Variants in VWC2L observed in about 807,000 individuals in gnomAD.
VWC2L encodes the protein von Willebrand factor C domain-containing protein 2-like.
A neutral mutation model predicts 21.6 loss-of-function variants in VWC2L; 10 were observed. That is an observed-to-expected ratio of 0.46 (90% CI 0.29 to 0.78). VWC2L has a LOEUF of 0.78. VWC2L is among the 30% of genes least tolerant of loss of function. The pLI is 0.10. For missense variants in VWC2L, 209 were observed against 277.1 expected, an observed-to-expected ratio of 0.75 and a Z score of 1.74; for synonymous variants, 96 against 94.3, an observed-to-expected ratio of 1.02 and a Z score of -0.10.
chr2:214,522,201 C>A (rs1689251924), intron 3 of VWC2L, among the ~76,000 whole-genome samples: 1 of 151,936 alleles, frequency 6.6e-6, no homozygotes, highest in Admixed American at 6.6e-5. Flanking sequence ...CGGTGAAACC[C>A]CGTCTCTACT....
chr2:214,483,291 G>A lies in VWC2L; in HGVS notation c.520+46533G>A, dbSNP rs77230275. On this transcript the variant is annotated intron_variant, in intron 3 of 3. Coordinates refer to ENST00000312504, the MANE Select transcript of VWC2L (RefSeq NM_001080500.4). ...CATGATGGCAAATAGATGGAGAGCA[G>A]GCAAATAGACTCTGATAAGCCATAA... 8.7e-3 allele frequency among the ~76,000 whole-genome samples: 1,318 copies of A among 152,148 alleles called. 14 individuals carry two copies. Among genetic ancestry groups the A allele is most frequent in the African/African-American group, 0.03 (1,258 of 41,506 alleles).
intron 3 of VWC2L, among the ~76,000 whole-genome samples, chr2:214,497,440 G>T (rs535008790): frequency 1.3e-5 from 2 of 152,160 alleles, no homozygotes; most frequent in African/African-American, 4.8e-5. Context: ...CCCAATTTTC[G>T]CAACCTCATC....
intron 3 of VWC2L, among the ~76,000 whole-genome samples, chr2:214,483,330 GT>G (rs768774535): frequency 6.6e-6 from 1 of 151,648 alleles, no homozygotes; most frequent in Non-Finnish European, 1.5e-5. Context: ...AATAATCTGA[GT>G]TAATGGCTTA....
intron 3 of VWC2L, among the ~76,000 whole-genome samples, chr2:214,563,462 G>A (rs1467863623): frequency 6.8e-6 from 1 of 148,002 alleles, no homozygotes; most frequent in African/African-American, 2.5e-5. Flanking sequence ...CAGGAGAATG[G>A]CATGAACCCA....
Position 214,522,401 on chromosome 2 carries a change from AT to A in VWC2L, c.521-53264del, listed in dbSNP as rs375174263. ...AAAAAAAAAAAAAAAAAAAAATTGC[AT>A]TTTTTTCCTCTTTGCTGATTCCTCC... On this transcript the variant is annotated intron_variant, in intron 3 of 3. Coordinates refer to ENST00000312504, the MANE Select transcript of VWC2L (RefSeq NM_001080500.4). 2.1e-3 allele frequency among the ~76,000 whole-genome samples: 299 copies of A among 139,674 alleles called. 1 individual carries two copies. The highest frequency in any genetic ancestry group is 7.4e-3 in the African/African-American group (282 of 38,110). 91.6% of individuals were successfully genotyped at this position (139,674 alleles called of 152,430 possible).
intron 3 of VWC2L, among the ~76,000 whole-genome samples, chr2:214,561,528 C>A (rs558612767): frequency 6.6e-6 from 1 of 152,054 alleles, no homozygotes; most frequent in African/African-American, 2.4e-5. Context: ...ATAATTTCAG[C>A]ACTTTGGGAA....
intron 3 of VWC2L, among the ~76,000 whole-genome samples, chr2:214,531,627 G>C (rs1250341543): frequency 6.6e-6 from 1 of 152,112 alleles, no homozygotes; most frequent in Non-Finnish European, 1.5e-5. Context: ...CTTTGCAGAA[G>C]TGGTTTCCTT....
intron 3 of VWC2L, among the ~76,000 whole-genome samples, chr2:214,518,121 A>G (rs10048772): frequency 0.75 from 114,013 of 151,864 alleles, 43,050 homozygotes; most frequent in Non-Finnish European, 0.77. Context: ...AGCCAAGATC[A>G]TGCCACTGCA....
At chr2:214,422,286 TA>T (rs1422682999) in intron 2 of VWC2L, among the ~76,000 whole-genome samples, 1 of 139,912 alleles carries the variant, frequency 7.1e-6, no homozygotes, top group Non-Finnish European at 1.6e-5. Flanking sequence ...AATTGCTCCA[TA>T]CATGCATTAA....
chr2:214,567,671 T>C (rs924326477), intron 3 of VWC2L, among the ~76,000 whole-genome samples: 1 of 152,014 alleles, frequency 6.6e-6, no homozygotes, highest in Non-Finnish European at 1.5e-5. Flanking sequence ...TCCCAGGTGC[T>C]ATCAAAACTT....
intron 3 of VWC2L, among the ~76,000 whole-genome samples, chr2:214,439,532 C>T (rs550695031): frequency 1.3e-5 from 2 of 152,004 alleles, no homozygotes; most frequent in African/African-American, 4.8e-5. Flanking sequence ...TTTCTTAAAT[C>T]TTCATAAATG....
At chr2:214,424,701 A>G (rs926152908) in intron 2 of VWC2L, among the ~76,000 whole-genome samples, 3 of 152,344 alleles carry the variant, frequency 2.0e-5, no homozygotes, top group Admixed American at 1.3e-4. Flanking sequence ...TAAAGTTCAC[A>G]AAAGTTCAAT....
chr2:214,425,298 C>T (rs941337841), intron 2 of VWC2L, among the ~76,000 whole-genome samples: 12 of 152,074 alleles, frequency 7.9e-5, no homozygotes, highest in African/African-American at 1.7e-4. Flanking sequence ...TCTCTTTAAT[C>T]AGTGCGTGGT....
In VWC2L at chr2:214,473,172, G is replaced by T. The variant is rs909458263; in HGVS notation, c.520+36414G>T. ...AGTAAGCAAATTGCTCACAATAAAA[G>T]CTGAGTACATTTCAATCACATCCTA... is the stretch of plus-strand genomic sequence containing the variant. On this transcript the variant is annotated intron_variant, in intron 3 of 3. Coordinates refer to ENST00000312504, the MANE Select transcript of VWC2L (RefSeq NM_001080500.4). Among the ~76,000 whole-genome samples the T allele has an allele frequency of 3.9e-5, 6 of 152,132 alleles. No individual in the cohort carries two copies. The East Asian group carries it at 1.2e-3, about 29-fold the overall frequency.
chr2:214,519,022 A>G (rs748064962), intron 3 of VWC2L, among the ~76,000 whole-genome samples: 9 of 152,186 alleles, frequency 5.9e-5, no homozygotes, highest in Non-Finnish European at 1.0e-4. Context: ...CTTGACTGCA[A>G]TGAGCATTGT....
In VWC2L at chr2:214,507,647, AATT is replaced by A. The variant is rs570773490; in HGVS notation, c.521-68019_521-68017del. On this transcript the variant is annotated intron_variant, in intron 3 of 3. Coordinates refer to ENST00000312504, the MANE Select transcript of VWC2L (RefSeq NM_001080500.4). ...ATGTACCATGCTGGCACCCTAAAAT[AATT>A]ATTATCTCTTAATTAGTCATGTGAT... Among the ~76,000 whole-genome samples, 30 of 152,264 alleles carry A rather than the reference AATT, an allele frequency of 2.0e-4. No homozygotes were observed. The South Asian group carries it at 5.0e-3, about 25-fold the overall frequency.
intron 3 of VWC2L, among the ~76,000 whole-genome samples, chr2:214,563,685 T>C (rs1690017401): frequency 6.7e-6 from 1 of 149,898 alleles, no homozygotes; most frequent in Non-Finnish European, 1.5e-5. Flanking sequence ...TGAAGGAACA[T>C]ACCTCAAAAT....
chr2:214,449,069 T>A, intron 3 of VWC2L, among the ~76,000 whole-genome samples: 1 of 152,190 alleles, frequency 6.6e-6, no homozygotes, highest in East Asian at 1.9e-4. Flanking sequence ...GTCATCTGAT[T>A]AACCCCAAAA....
chr2:214,470,309 C>A (rs961399255), intron 3 of VWC2L, among the ~76,000 whole-genome samples: 1 of 151,006 alleles, frequency 6.6e-6, no homozygotes, highest in Non-Finnish European at 1.5e-5. Context: ...AACTAGAACA[C>A]AACTCTCCTC....
Sources: allele counts gnomAD v4.1 joint callset (sites outside exome capture counted in the v4.1 genomes callset), GRCh38; gene constraint gnomAD v4.1.1; transcripts MANE v1.5; gene names NCBI Gene and HGNC (gene_info 2026-07-23, HGNC 2026-07-21).